OSTF1: variants seen among roughly 807,000 people sequenced by gnomAD.
OSTF1 encodes osteoclast-stimulating factor 1.
Under a neutral mutation model 37.2 loss-of-function variants are expected in OSTF1, and 27 were observed. The observed-to-expected ratio is 0.73, with a 90% CI of 0.54 to 1.00. The LOEUF is 1.00. OSTF1 is among the 50% of genes least tolerant of loss of function. The pLI, the probability that OSTF1 is intolerant of heterozygous loss-of-function variation, is 0.00. For missense variants in OSTF1, 232 were observed against 253.8 expected, an observed-to-expected ratio of 0.91 and a Z score of 0.58; for synonymous variants, 82 against 89.2, an observed-to-expected ratio of 0.92 and a Z score of 0.46.
intron 2 of OSTF1, 28 bp downstream of exon 2, chr9:75,117,578 A>T (rs1324009317): frequency 1.3e-6 from 2 of 1,524,650 alleles, no homozygotes; most frequent in East Asian, 4.5e-5. Flanking sequence ...AACTTCTAAA[A>T]TTGACAGAAA....
At chr9:75,126,321 T>G (rs926466669) in intron 2 of OSTF1, among the ~76,000 whole-genome samples, 3 of 152,228 alleles carry the variant, frequency 2.0e-5, no homozygotes, top group African/African-American at 4.8e-5. Flanking sequence ...CCACCTGAAA[T>G]ATGAAAGCAA....
intron 3 of OSTF1, among the ~76,000 whole-genome samples, chr9:75,129,469 A>G (rs530522267): frequency 6.6e-6 from 1 of 152,346 alleles, no homozygotes; most frequent in East Asian, 1.9e-4. Context: ...GGATCTAGAC[A>G]ATGATCATCA....
intron 2 of OSTF1, among the ~76,000 whole-genome samples, chr9:75,121,009 G>A (rs947150564): frequency 2.0e-5 from 3 of 152,180 alleles, no homozygotes; most frequent in South Asian, 2.1e-4. Flanking sequence ...CCTGCTCATA[G>A]ACACAGCGTC....
chr9:75,102,260 C>G (rs1825206029), intron 1 of OSTF1, among the ~76,000 whole-genome samples: 1 of 152,198 alleles, frequency 6.6e-6, no homozygotes, highest in Non-Finnish European at 1.5e-5. Flanking sequence ...CAAGTGTGAT[C>G]TACCACACCC....
At chr9:75,094,826 T>G (rs1015058312) in intron 1 of OSTF1, among the ~76,000 whole-genome samples, 7 of 152,306 alleles carry the variant, frequency 4.6e-5, no homozygotes, top group African/African-American at 1.7e-4. Flanking sequence ...GGCAGATTGC[T>G]TGAGCCTAGG....
At chr9:75,108,769 T>C (rs1258628329) in intron 1 of OSTF1, among the ~76,000 whole-genome samples, 1 of 152,136 alleles carries the variant, frequency 6.6e-6, no homozygotes, top group African/African-American at 2.4e-5. Flanking sequence ...AGCTTACTAA[T>C]GTGCTGGCAG....
intron 8 of OSTF1, among the ~76,000 whole-genome samples, chr9:75,140,077 A>G (rs1388196377): frequency 1.3e-5 from 2 of 152,248 alleles, no homozygotes; most frequent in Non-Finnish European, 2.9e-5. Context: ...CTAAGAAAAC[A>G]GTACCATTAG....
intron 6 of OSTF1, 143 bp from the exon 7 acceptor site, chr9:75,134,203 C>G (rs1825808931): frequency 2.0e-6 from 1 of 504,160 alleles, no homozygotes; most frequent in South Asian, 3.4e-5. Flanking sequence ...TTAAGTTTTT[C>G]TATTTTATAA....
chr9:75,120,565 C>T lies in OSTF1; in HGVS notation c.81+3015C>T, dbSNP rs577014097. On this transcript the variant is annotated intron_variant, in intron 2 of 9. Transcript: ENST00000346234. ...CTCTATCTCCTCTCTTCGTATGCTT[C>T]GTTGTCTTCGCCTTTGTCCTTTCTC... Among the ~76,000 whole-genome samples the T allele has an allele frequency of 1.1e-4, 16 of 152,272 alleles. No individual in the cohort carries two copies. In the East Asian group the frequency reaches 2.7e-3, roughly 26 times the overall value.
intron 1 of OSTF1, among the ~76,000 whole-genome samples, chr9:75,092,455 T>C (rs1473230704): frequency 1.3e-5 from 2 of 152,216 alleles, no homozygotes; most frequent in Non-Finnish European, 2.9e-5. Context: ...GGGTCCTGAG[T>C]CTAATGGGGA....
At chr9:75,124,680 C>G (rs1825634299) in intron 2 of OSTF1, among the ~76,000 whole-genome samples, 1 of 152,184 alleles carries the variant, frequency 6.6e-6, no homozygotes, top group African/African-American at 2.4e-5. Context: ...AACAGTTACT[C>G]CCTATTCCCC....
chr9:75,141,312 CAAAAAAAAAAA>C (rs529293090), intron 9 of OSTF1, among the ~76,000 whole-genome samples: 9 of 71,680 alleles, frequency 1.3e-4, no homozygotes, highest in Non-Finnish European at 1.8e-4. Context: ...AAAAGAAAAC[CAAAAAAAAAAA>C]AAAAAAAAAA....
At position 75,146,865 on chromosome 9, in the gene OSTF1, G is replaced by C; in HGVS notation, c.*124G>C. The C allele has an allele frequency of 1.6e-6, 1 of 630,368 alleles. No individual in the cohort carries two copies. Among genetic ancestry groups the C allele is most frequent in the South Asian group, 2.0e-5 (1 of 49,282 alleles). 39.0% of individuals were successfully genotyped at this position (630,368 alleles called of 1,614,324 possible). On this transcript the variant is annotated 3_prime_UTR_variant, in exon 10 of 10. Transcript: ENST00000346234. ...TATATGAACACGGCAGTGTTGCACT[G>C]TGTTTGAGTAGAACGTGTAAATGAA... is the stretch of plus-strand genomic sequence containing the variant.
chr9:75,120,515 T>A (rs1176227682), intron 2 of OSTF1, among the ~76,000 whole-genome samples: 1 of 152,172 alleles, frequency 6.6e-6, no homozygotes, highest in Non-Finnish European at 1.5e-5. Flanking sequence ...ATTTACTTTG[T>A]TTTGAGACTG....
intron 1 of OSTF1, among the ~76,000 whole-genome samples, chr9:75,091,400 G>A (rs1438432145): frequency 1.3e-5 from 2 of 152,140 alleles, no homozygotes; most frequent in African/African-American, 4.8e-5. Context: ...TCTGCCTTAA[G>A]TCATAGTGCT....
chr9:75,107,257 A>C (rs1283795992), intron 1 of OSTF1, among the ~76,000 whole-genome samples: 1 of 152,200 alleles, frequency 6.6e-6, no homozygotes, highest in Non-Finnish European at 1.5e-5. Context: ...ATGCATATTT[A>C]GTAGAATAAT....
chr9:75,138,937 A>C (rs1214250319), intron 8 of OSTF1, among the ~76,000 whole-genome samples: 1 of 152,062 alleles, frequency 6.6e-6, no homozygotes, highest in Non-Finnish European at 1.5e-5. Context: ...GCTTAGGAGA[A>C]AGATTTTGAC....
Position 75,130,600 on chromosome 9 carries a change from G to A in OSTF1, c.155G>A (p.Gly52Asp). 2 of 1,611,646 alleles carry A rather than the reference G, an allele frequency of 1.2e-6. No individual in the cohort carries two copies. Among genetic ancestry groups the A allele is most frequent in the East Asian group, 2.2e-5 (1 of 44,878 alleles). ...CAGAGCGATACCAATTGGTGGAAAG[G>A]CACCTCCAAAGGCAGGACTGGACTA... ...TDMSDTNWWK[G>D]TSKGRTGLIP... Residue 52 changes from glycine (G) to aspartate (D), a missense_variant, in exon 4 of 10, where the codon GGC (glycine) becomes GAC (aspartate). Transcript: ENST00000346234.
chr9:75,132,459 C>T (rs551687957), intron 5 of OSTF1, among the ~76,000 whole-genome samples: 1 of 152,264 alleles, frequency 6.6e-6, no homozygotes, highest in Admixed American at 6.5e-5. Flanking sequence ...TGTTGACTGT[C>T]ATGACTGGAG....
Sources: allele counts gnomAD v4.1 joint callset (sites outside exome capture counted in the v4.1 genomes callset), GRCh38; gene constraint gnomAD v4.1.1; transcripts MANE v1.5; gene names NCBI Gene and HGNC (gene_info 2026-07-23, HGNC 2026-07-21).